Variants in MADCAM1 observed in about 807,000 individuals in gnomAD.
MADCAM1 encodes the protein mucosal addressin cell adhesion molecule 1.
In MADCAM1, 19 loss-of-function variants were observed where a neutral mutation model predicts 26.1. The ratio of observed to expected loss-of-function variants is 0.73; its 90% confidence interval spans 0.51 to 1.07. The LOEUF is 1.07. Among genes scored for constraint, MADCAM1 ranks in the 50% least tolerant of loss-of-function variants. MADCAM1 has a pLI of 0.00. For synonymous variants in MADCAM1, 268 were observed against 260.9 expected, an observed-to-expected ratio of 1.03 and a Z score of -0.26; for missense variants, 514 against 542.1, an observed-to-expected ratio of 0.95 and a Z score of 0.51.
At chr19:499,344 T>C (rs1354899296) in intron 3 of MADCAM1, 1 of 456,948 alleles carries the variant, frequency 2.2e-6, no homozygotes. Flanking sequence ...GAGGCTTCCC[T>C]GGATTCCCGT....
chr19:499,882 C>G, intron 3 of MADCAM1: 1 of 456,140 alleles, frequency 2.2e-6, no homozygotes, highest in South Asian at 1.5e-5. Flanking sequence ...GGGATTTGTC[C>G]TCCCATGGGG....
intron 3 of MADCAM1, chr19:500,155 TC>T (rs1336325261): frequency 4.4e-6 from 2 of 455,822 alleles, no homozygotes. Flanking sequence ...GCCAGCCTCC[TC>T]CCAACTCTCC....
chr19:498,151 C>A, intron 2 of MADCAM1, 34 bp downstream of exon 2: 1 of 1,302,822 alleles, frequency 7.7e-7, no homozygotes, highest in Admixed American at 4.1e-5. Flanking sequence ...CCTCTCTGAC[C>A]CTTGGACTCC....
At chr19:504,528 G>C (rs1423047549) in intron 4 of MADCAM1, among the ~76,000 whole-genome samples, 2 of 152,172 alleles carry the variant, frequency 1.3e-5, no homozygotes, top group African/African-American at 4.8e-5. Flanking sequence ...GAAGTGCTGG[G>C]ATTTCAGGCG....
intron 3 of MADCAM1, among the ~76,000 whole-genome samples, chr19:500,976 C>T (rs1978319864): frequency 2.0e-5 from 3 of 151,950 alleles, no homozygotes; most frequent in South Asian, 2.1e-4. Flanking sequence ...CACTTGAGTA[C>T]AGGAGTTCCA....
At chr19:500,098 G>T (rs1168669135) in intron 3 of MADCAM1, 8 of 456,040 alleles carry the variant, frequency 1.8e-5, no homozygotes, top group African/African-American at 6.0e-5. Flanking sequence ...ACAGGGGATG[G>T]AGCAGAAGGC....
Position 498,724 on chromosome 19 carries a change from G to C in MADCAM1, c.566G>C (p.Trp189Ser). 2 of 1,457,452 alleles carry C rather than the reference G, an allele frequency of 1.4e-6. No homozygotes were observed. The highest frequency in any genetic ancestry group is 1.8e-6 in the Non-Finnish European group (2 of 1,109,970). The allele number at this position is 1,457,452 out of a possible 1,614,324, so 90.3% of individuals were successfully genotyped here. A position where few individuals can be genotyped will look rare whatever the true frequency, so the allele number is the denominator to read the frequency against. ...GTGCTGTTCAGGGTGACAGAGCGCT[G>C]GCGGCTGCCGCCCCTGGGGACCCCT... ...EDVLFRVTER[W>S]RLPPLGTPVP... The change falls in exon 3 of 5, where the codon TGG becomes TCG. Residue 189 changes from tryptophan (W) to serine (S), a missense_variant. By Grantham distance (177) the Trp-to-Ser change is radical. This residue lies in a region of MADCAM1 where 317 missense variants were observed against 313.6 expected (regional missense o/e 1.01). Transcript: ENST00000215637.
chr19:499,790 T>C (rs1212140371), intron 3 of MADCAM1: 1 of 456,400 alleles, frequency 2.2e-6, no homozygotes, highest in Non-Finnish European at 4.4e-6. Context: ...AGACATTTAA[T>C]GTGGGCCGGT....
At chr19:503,005 C>T (rs1054983386) in intron 4 of MADCAM1, among the ~76,000 whole-genome samples, 1 of 152,250 alleles carries the variant, frequency 6.6e-6, no homozygotes. Context: ...CCCTGGGACT[C>T]TCCAGATATG....
intron 1 of MADCAM1, among the ~76,000 whole-genome samples, chr19:497,354 C>CCGGGGGAGGGGAGGGGGCT (rs1978290854): frequency 4.0e-5 from 1 of 25,260 alleles, no homozygotes. Flanking sequence ...GGGAGGGGGC[C>CCGGGGGAGGGGAGGGGGCT]CGGGGGAGAG....
intron 3 of MADCAM1, chr19:499,093 G>A (rs1978304021): frequency 1.5e-6 from 1 of 664,430 alleles, no homozygotes; most frequent in Non-Finnish European, 2.8e-6. Context: ...GGGCCCACAG[G>A]AACCTGCACG....
At position 501,678 on chromosome 19, in the gene MADCAM1, G is replaced by GTCCGACCTC; in HGVS notation, c.677_678insTCCGACCTC (p.Thr228_Pro230dup). 7.8e-7 allele frequency: 1 copy of GTCCGACCTC among 1,286,262 alleles called. No homozygotes were observed. The highest frequency in any genetic ancestry group is 2.8e-5 in the Admixed American group (1 of 35,252). The allele number at this position is 1,286,262 out of a possible 1,614,324, so 79.7% of individuals were successfully genotyped here. ...CTCACTCTGTTTCCAGTCCTGCACAGCCCGACCTCCCCGGAGCCTCCCGAC... is the reference window on the plus strand; with the variant it reads ...CTCACTCTGTTTCCAGTCCTGCACAGTCCGACCTCCCCGACCTCCCCGGAGCCTCCCGAC... On this transcript the variant is annotated inframe_insertion, in exon 4 of 5. Coordinates refer to ENST00000215637, the MANE Select transcript of MADCAM1 (RefSeq NM_130760.3).
At chr19:503,657 T>C (rs1978470492) in intron 4 of MADCAM1, among the ~76,000 whole-genome samples, 2 of 151,834 alleles carry the variant, frequency 1.3e-5, no homozygotes, top group South Asian at 4.1e-4. Context: ...TGCCAGCACT[T>C]TGGGAGGCCG....
intron 3 of MADCAM1, among the ~76,000 whole-genome samples, chr19:501,176 G>A (rs915656538): frequency 6.7e-6 from 1 of 149,720 alleles, no homozygotes; most frequent in Non-Finnish European, 1.5e-5. Context: ...ACGACAGAGT[G>A]AGACCCCATC....
intron 3 of MADCAM1, among the ~76,000 whole-genome samples, chr19:500,699 T>A (rs935795990): frequency 6.6e-6 from 1 of 152,018 alleles, no homozygotes; most frequent in Non-Finnish European, 1.5e-5. Context: ...TGAAACCCCG[T>A]CCCCTACTAA....
chr19:497,429 G>A (rs1234980548), intron 1 of MADCAM1, among the ~76,000 whole-genome samples: 1 of 142,384 alleles, frequency 7.0e-6, no homozygotes, highest in African/African-American at 2.6e-5. Context: ...GGGCGCAGGA[G>A]AGAGGAGGGG....
intron 4 of MADCAM1, among the ~76,000 whole-genome samples, chr19:502,729 T>A (rs890457985): frequency 2.0e-5 from 3 of 152,228 alleles, no homozygotes; most frequent in African/African-American, 7.2e-5. Context: ...GACGGAACAA[T>A]GGCGAGAGCA....
At chr19:503,382 C>G (rs997702320) in intron 4 of MADCAM1, among the ~76,000 whole-genome samples, 12 of 149,700 alleles carry the variant, frequency 8.0e-5, no homozygotes, top group South Asian at 4.2e-4. Flanking sequence ...GAGATCGAGA[C>G]CATCCTGGCT....
Position 498,120 on chromosome 19 carries a change from G to A in MADCAM1, c.337+3G>A, listed in dbSNP as rs1978295112. On this transcript the variant is annotated splice_donor_region_variant and intron_variant, in intron 2 of 4. Transcript: ENST00000215637. ...CACCGTGCAGCTCCTTGTGTACGGT[G>A]AGGCGTCCCCCCGCGCCCTGCCTCT... 7.6e-7 allele frequency: 1 copy of A among 1,322,762 alleles called. No individual in the cohort carries two copies. Among genetic ancestry groups the A allele is most frequent in the Non-Finnish European group, 9.6e-7 (1 of 1,036,416 alleles). The allele number at this position is 1,322,762 out of a possible 1,614,324, so 81.9% of individuals were successfully genotyped here.
Sources: allele counts gnomAD v4.1 joint callset (sites outside exome capture counted in the v4.1 genomes callset), GRCh38; gene constraint gnomAD v4.1.1; regional missense constraint gnomAD v4.1.1; transcripts MANE v1.5; gene names NCBI Gene and HGNC (gene_info 2026-07-23, HGNC 2026-07-21).